Variants in NIPSNAP1 observed in about 807,000 individuals in gnomAD.
NIPSNAP1 encodes protein NipSnap homolog 1.
In NIPSNAP1, 25 loss-of-function variants were observed where a neutral mutation model predicts 49.2. The ratio of observed to expected loss-of-function variants is 0.51; its 90% CI spans 0.37 to 0.71. The LOEUF (loss-of-function observed/expected upper bound fraction) is 0.71, where lower values mean the gene tolerates loss of function less well. NIPSNAP1 is among the 30% of genes least tolerant of loss of function. The pLI, the probability that NIPSNAP1 is intolerant of heterozygous loss-of-function variation, is 0.00. For missense variants in NIPSNAP1, 294 were observed against 361.0 expected (o/e 0.81, Z 1.50); for synonymous variants, 143 against 140.7 (o/e 1.02, Z -0.12).
intron 1 of NIPSNAP1, among the ~76,000 whole-genome samples, chr22:29,573,752 G>A (rs695780): frequency 0.19 from 26,682 of 139,136 alleles, 3,040 homozygotes; most frequent in East Asian, 0.56. Context: ...TGGGCAACAA[G>A]AGTGAAACTC....
chr22:29,559,444 C>T (rs468221), intron 8 of NIPSNAP1, among the ~76,000 whole-genome samples: 79,202 of 151,636 alleles, frequency 0.52, 20,835 homozygotes, highest in South Asian at 0.66. Context: ...GCGTGAGGCA[C>T]GAGAATCACT....
intron 4 of NIPSNAP1, among the ~76,000 whole-genome samples, chr22:29,568,496 GAA>G (rs695602): frequency 9.0e-6 from 1 of 111,464 alleles, no homozygotes; most frequent in Non-Finnish European, 1.8e-5. Flanking sequence ...AAAGAAAAAA[GAA>G]AAAAAAAAAA....
intron 1 of NIPSNAP1, among the ~76,000 whole-genome samples, chr22:29,577,879 C>T (rs1310536271): frequency 6.8e-6 from 1 of 147,252 alleles, no homozygotes; most frequent in Non-Finnish European, 1.5e-5. Flanking sequence ...AATACAGGAA[C>T]ACACCACCAT....
chr22:29,579,918 G>T, intron 1 of NIPSNAP1: 1 of 416,520 alleles, frequency 2.4e-6, no homozygotes, highest in East Asian at 7.2e-5. Context: ...TTATTGGGCA[G>T]TCTAGGTGGG....
intron 1 of NIPSNAP1, among the ~76,000 whole-genome samples, chr22:29,570,751 C>T (rs1396776567): frequency 6.6e-6 from 1 of 152,088 alleles, no homozygotes; most frequent in Non-Finnish European, 1.5e-5. Flanking sequence ...TTTGCAGAGC[C>T]TCAGGACGCC....
In NIPSNAP1 at chr22:29,561,780, A is replaced by C. The variant is rs1471930049; in HGVS notation, c.438+12T>G. The C allele has an allele frequency of 6.2e-7, 1 of 1,613,978 alleles. No homozygotes were observed. The highest frequency in any genetic ancestry group is 2.2e-5 in the East Asian group (1 of 44,866). Reference sequence around the variant, plus strand: ...ACATCCAGAGAGGTGTGCTGAGTGGACACTAACATACCTTATTGTTTTTGA... The same window carrying C: ...ACATCCAGAGAGGTGTGCTGAGTGGCCACTAACATACCTTATTGTTTTTGA... On this transcript the variant is annotated intron_variant, in intron 5 of 9. Transcript: ENST00000216121.
chr22:29,571,538 A>G (rs2064407573), intron 1 of NIPSNAP1, among the ~76,000 whole-genome samples: 2 of 152,080 alleles, frequency 1.3e-5, no homozygotes, highest in African/African-American at 4.8e-5. Context: ...ACACATACCC[A>G]AGGTCCCAGC....
rs117350912 is a variant in NIPSNAP1, at chr22:29,567,557, T to C, written c.367+1636A>G. Among the ~76,000 whole-genome samples the C allele has an allele frequency of 4.7e-3, 707 of 152,010 alleles. 3 individuals carry two copies. The highest frequency in any genetic ancestry group is 7.6e-3 in the Non-Finnish European group (519 of 68,002). On this transcript the variant is annotated intron_variant, in intron 4 of 9. Transcript: ENST00000216121. ...GGAGGAGGTGACATCTATGCCAAAA[T>C]AGAAAAGTGAATAGTCCAGGCACTG...
At chr22:29,569,565 A>T (rs1050223327) in intron 3 of NIPSNAP1, among the ~76,000 whole-genome samples, 4 of 151,614 alleles carry the variant, frequency 2.6e-5, no homozygotes, top group Admixed American at 2.0e-4. Flanking sequence ...GCAAAGTGAG[A>T]TCCCATCTCT....
At chr22:29,557,775 A>G (rs528178524) in intron 9 of NIPSNAP1, among the ~76,000 whole-genome samples, 1 of 152,178 alleles carries the variant, frequency 6.6e-6, no homozygotes, top group African/African-American at 2.4e-5. Flanking sequence ...CCTTCAGCAG[A>G]CACATTCTCC....
At chr22:29,557,194 A>G (rs542603164) in intron 9 of NIPSNAP1, among the ~76,000 whole-genome samples, 11 of 139,318 alleles carry the variant, frequency 7.9e-5, no homozygotes, top group East Asian at 4.4e-4. Flanking sequence ...TCTCGGCTCA[A>G]TGCAACCTCC....
intron 4 of NIPSNAP1, among the ~76,000 whole-genome samples, chr22:29,567,543 C>T (rs1437800251): frequency 6.6e-6 from 1 of 152,082 alleles, no homozygotes; most frequent in African/African-American, 2.4e-5. Flanking sequence ...GAGGAGGTGA[C>T]ATCTATGCCA....
intron 7 of NIPSNAP1, 77 bp from the exon 8 acceptor site, chr22:29,560,905 T>G (rs1377355638): frequency 5.2e-6 from 7 of 1,358,840 alleles, no homozygotes; most frequent in Non-Finnish European, 6.3e-6. Flanking sequence ...TTGGCCACAC[T>G]TCACAGGAGG....
intron 1 of NIPSNAP1, among the ~76,000 whole-genome samples, chr22:29,573,865 G>T (rs1419065578): frequency 2.6e-5 from 4 of 152,110 alleles, no homozygotes; most frequent in Non-Finnish European, 5.9e-5. Context: ...CTTGAACCCA[G>T]GAGGCGTAGG....
chr22:29,570,385 T>C lies in NIPSNAP1; in HGVS notation c.226+20A>G. 1 of 1,613,868 alleles carries C rather than the reference T, an allele frequency of 6.2e-7. No homozygotes were observed. Among genetic ancestry groups the C allele is most frequent in the Non-Finnish European group, 8.5e-7 (1 of 1,180,016 alleles). ...GAGCCCCTGAAAGGGCAGAAATTGG[T>C]CAGCTCAGCAGCCACTCACACTGGA... On this transcript the variant is annotated intron_variant, in intron 2 of 9. Coordinates refer to ENST00000216121, the MANE Select transcript of NIPSNAP1 (RefSeq NM_003634.4).
chr22:29,561,727 T>C (rs2064337221), intron 5 of NIPSNAP1, 65 bp downstream of exon 5: 1 of 1,612,802 alleles, frequency 6.2e-7, no homozygotes, highest in Admixed American at 1.7e-5. Context: ...AGCAGAGTAG[T>C]CCCCAGAACA....
At chr22:29,576,652 G>A (rs1227092681) in intron 1 of NIPSNAP1, among the ~76,000 whole-genome samples, 2 of 151,444 alleles carry the variant, frequency 1.3e-5, no homozygotes, top group Non-Finnish European at 2.9e-5. Flanking sequence ...TAGGCTGGGC[G>A]TGGTGGCTCA....
chr22:29,567,315 CT>C (rs1409064021), intron 4 of NIPSNAP1, among the ~76,000 whole-genome samples: 1 of 152,044 alleles, frequency 6.6e-6, no homozygotes, highest in East Asian at 1.9e-4. Flanking sequence ...AGGGGTGCCC[CT>C]GGGACTGTAA....
intron 3 of NIPSNAP1, 57 bp from the exon 4 acceptor site, chr22:29,569,344 T>C: frequency 7.5e-7 from 1 of 1,337,490 alleles, no homozygotes. Flanking sequence ...GCCTCTGAGA[T>C]AAGGGTTCAA....
Sources: allele counts gnomAD v4.1 joint callset (sites outside exome capture counted in the v4.1 genomes callset), GRCh38; gene constraint gnomAD v4.1.1; transcripts MANE v1.5; gene names NCBI Gene and HGNC (gene_info 2026-07-23, HGNC 2026-07-21).